Variants in DICER1 observed in about 807,000 individuals in gnomAD.
DICER1 encodes the protein endoribonuclease Dicer.
DICER1 carries 43 observed loss-of-function variants against 194.1 expected under a neutral mutation model. That is an observed-to-expected ratio of 0.22 (90% CI 0.17 to 0.29). The LOEUF is 0.29. Among genes scored for constraint, DICER1 ranks in the 10% least tolerant of loss-of-function variants. The pLI is 1.00. For missense variants in DICER1, 1,608 were observed against 2,317.0 expected, an observed-to-expected ratio of 0.69 and a Z score of 6.28; for synonymous variants, 832 against 820.5, an observed-to-expected ratio of 1.01 and a Z score of -0.24.
Position 95,132,565 on chromosome 14 carries a change from C to T in DICER1, c.257G>A (p.Arg86Lys). The change falls in exon 3 of 27, where the codon AGG (arginine) becomes AAG (lysine). Residue 86 changes from arginine (R) to lysine (K), a missense_variant. By Grantham distance (26) the Arg-to-Lys change is conservative. Around this residue, in one of 10 missense-constraint regions of DICER1, gnomAD observed 657 missense variants for 910.1 expected, o/e 0.72. Coordinates refer to ENST00000343455, the MANE Select transcript of DICER1 (RefSeq NM_177438.3). Reference sequence around the variant, plus strand: ...TTTTCCATTTCTGCTGAAGTCTCCCCTGATCTGATAGGACAGCTCTTTAGT... The same window carrying T: ...TTTTCCATTTCTGCTGAAGTCTCCCTTGATCTGATAGGACAGCTCTTTAGT... The part of the protein sequence containing the change: ...LLTKELSYQI[R>K]GDFSRNGKRT... 1 of 1,614,004 alleles carries T rather than the reference C, an allele frequency of 6.2e-7. No homozygotes were observed. The highest frequency in any genetic ancestry group is 1.1e-5 in the South Asian group (1 of 91,084).
intron 1 of DICER1, among the ~76,000 whole-genome samples, chr14:95,152,881 T>C (rs1295145914): frequency 6.6e-6 from 1 of 152,198 alleles, no homozygotes; most frequent in Non-Finnish European, 1.5e-5. Flanking sequence ...TACACCACGA[T>C]ACAACCAGTC....
chr14:95,133,564 C>A (rs1894141229), intron 1 of DICER1, 61 bp from the exon 2 acceptor site: 2 of 1,235,542 alleles, frequency 1.6e-6, no homozygotes, highest in Non-Finnish European at 2.3e-6. Flanking sequence ...AAAGAAAGCA[C>A]AGAAACAAGA....
chr14:95,154,840 G>A (rs1895735728), intron 1 of DICER1, among the ~76,000 whole-genome samples: 2 of 138,348 alleles, frequency 1.4e-5, no homozygotes, highest in South Asian at 4.6e-4. Context: ...ATGGTTCAAC[G>A]TTGTGTTATG....
chr14:95,119,050 A>G (rs1462942517), intron 8 of DICER1, among the ~76,000 whole-genome samples: 1 of 152,240 alleles, frequency 6.6e-6, no homozygotes, highest in Non-Finnish European at 1.5e-5. Flanking sequence ...GCAGTGTTAC[A>G]TGCAAACAAA....
intron 7 of DICER1, among the ~76,000 whole-genome samples, chr14:95,125,164 G>A (rs1893297685): frequency 6.6e-6 from 1 of 152,154 alleles, no homozygotes; most frequent in South Asian, 2.1e-4. Context: ...ATGCCACGGT[G>A]AGACTGTTGT....
intron 21 of DICER1, 61 bp downstream of exon 21, chr14:95,103,285 G>A: frequency 1.3e-6 from 2 of 1,554,640 alleles, no homozygotes; most frequent in Non-Finnish European, 8.9e-7. Flanking sequence ...ATCCAACACT[G>A]CAAACCACTT....
At chr14:95,157,161 G>C (rs1283465104) in intron 1 of DICER1, 69 bp downstream of exon 1, 3 of 149,752 alleles carry the variant, frequency 2.0e-5, no homozygotes, top group Non-Finnish European at 4.5e-5. Flanking sequence ...CCGCGCGGAG[G>C]CGGGAGCGCG....
At chr14:95,150,071 T>C (rs1224660162) in intron 1 of DICER1, among the ~76,000 whole-genome samples, 1 of 152,252 alleles carries the variant, frequency 6.6e-6, no homozygotes, top group Non-Finnish European at 1.5e-5. Context: ...CAAACTAATC[T>C]GACTCCAACC....
At position 95,131,584 on chromosome 14, in the gene DICER1, A is replaced by G; in HGVS notation, c.363T>C (p.Val121=). 1 of 1,613,622 alleles carries G rather than the reference A, an allele frequency of 6.2e-7. No individual in the cohort carries two copies. The highest frequency in any genetic ancestry group is 8.5e-7 in the Non-Finnish European group (1 of 1,179,522). ...TTACTTCTAGGTTTGAGTATTCCCC[A>G]ACCTTGAGATCTGAATGAGTTCTGA... ...SAVRTHSDLK[V]GEYSNLEVNA... Residue 121 remains valine, a synonymous_variant, in exon 4 of 27, where the codon GTT becomes GTC. Transcript: ENST00000343455.
In DICER1 at chr14:95,115,806, A is replaced by G; in HGVS notation, c.1768T>C (p.Cys590Arg). The G allele has an allele frequency of 6.2e-7, 1 of 1,614,178 alleles. No individual in the cohort carries two copies. Among genetic ancestry groups the G allele is most frequent in the Non-Finnish European group, 8.5e-7 (1 of 1,180,018 alleles). Residue 590 changes from cysteine to arginine, a missense_variant, in exon 11 of 27, where the codon TGT becomes CGT. By Grantham distance (180) the Cys-to-Arg change is radical. Transcript: ENST00000343455. ...KAIEKILRNK[C>R]SKSVDTGETD... ...TCACCAGTATCAACCGACTTGGAAC[A>G]CTTGTTTCTCAAGATCTGAACATTT...
intron 23 of DICER1, chr14:95,095,374 T>C (rs17091805): frequency 0.031 from 6,283 of 202,456 alleles, 419 homozygotes; most frequent in African/African-American, 0.14. Flanking sequence ...TTTTAATCTT[T>C]TAATCTATCC....
At chr14:95,145,010 A>G (rs1280052731) in intron 1 of DICER1, among the ~76,000 whole-genome samples, 1 of 152,184 alleles carries the variant, frequency 6.6e-6, no homozygotes, top group Non-Finnish European at 1.5e-5. Context: ...ACCTTCCCAC[A>G]GTTTATCAAC....
At chr14:95,136,066 A>G (rs1032642949) in intron 1 of DICER1, among the ~76,000 whole-genome samples, 8 of 146,060 alleles carry the variant, frequency 5.5e-5, no homozygotes, top group Non-Finnish European at 1.2e-4. Flanking sequence ...AATGGTACAG[A>G]AAAAGAATCT....
At chr14:95,090,822 A>C in intron 26 of DICER1, 159 bp from the exon 27 acceptor site, 1 of 1,008,430 alleles carries the variant, frequency 9.9e-7, no homozygotes, top group Non-Finnish European at 1.5e-6. Flanking sequence ...CATACCCCCG[A>C]CAGACAGGGC....
Position 95,086,679 on chromosome 14 carries a change from T to C in DICER1, c.*3819A>G, listed in dbSNP as rs1306390419. ...TTTTCACTGCTAGTGGAAAATACAA[T>C]GGTCTCAATGCAAATTTCCTAGATA... On this transcript the variant is annotated 3_prime_UTR_variant, in exon 27 of 27. Coordinates refer to ENST00000343455, the MANE Select transcript of DICER1 (RefSeq NM_177438.3). The C allele has an allele frequency of 4.3e-6, 1 of 233,290 alleles. No homozygotes were observed. The highest frequency in any genetic ancestry group is 8.5e-6 in the Non-Finnish European group (1 of 117,860). 14.5% of individuals were successfully genotyped at this position (233,290 alleles called of 1,614,324 possible). A position where few individuals can be genotyped will look rare whatever the true frequency, so the allele number is the denominator to read the frequency against.
chr14:95,119,184 G>C (rs1198214884), intron 8 of DICER1, among the ~76,000 whole-genome samples: 1 of 152,048 alleles, frequency 6.6e-6, no homozygotes, highest in African/African-American at 2.4e-5. Flanking sequence ...TTAACTTACT[G>C]TTAATTAGGC....
intron 8 of DICER1, among the ~76,000 whole-genome samples, chr14:95,118,880 G>C (rs189883685): frequency 6.6e-6 from 1 of 151,630 alleles, no homozygotes; most frequent in African/African-American, 2.4e-5. Context: ...GATCCCAACC[G>C]GCACAACACT....
At chr14:95,131,091 G>A (rs1257039810) in intron 4 of DICER1, among the ~76,000 whole-genome samples, 4 of 152,132 alleles carry the variant, frequency 2.6e-5, no homozygotes, top group East Asian at 1.9e-4. Context: ...GTGCAGTGGC[G>A]CGATCTCAGC....
chr14:95,128,303 C>T (rs180707905), intron 6 of DICER1, among the ~76,000 whole-genome samples: 1 of 152,248 alleles, frequency 6.6e-6, no homozygotes, highest in Admixed American at 6.5e-5. Context: ...GATTGCTTAT[C>T]AGTTTTACTT....
Sources: gnomAD v4.1 joint callset for allele counts (sites outside exome capture counted in the v4.1 genomes callset) on GRCh38, gnomAD v4.1.1 for gene constraint, gnomAD v4.1.1 regional missense constraint, MANE v1.5 for transcripts, NCBI Gene and HGNC (gene_info 2026-07-23, HGNC 2026-07-21) for gene names.